Variants in CPZ observed in about 807,000 individuals in gnomAD.
The protein encoded by CPZ is VEZT/CPZ fusion.
Under a neutral mutation model 61.8 loss-of-function variants are expected in CPZ, and 103 were observed. That is an observed-to-expected ratio of 1.67 (90% confidence interval 1.42 to 1.96). The LOEUF (loss-of-function observed/expected upper bound fraction) is 1.96. Among genes scored for constraint, CPZ ranks in the 30% most tolerant of loss-of-function variants. The pLI, the probability that CPZ is intolerant of heterozygous loss-of-function variation, is 0.00. For synonymous variants in CPZ, 551 were observed against 373.7 expected (o/e 1.47, Z -5.47); for missense variants, 1,461 against 914.9 (o/e 1.60, Z -7.70).
chr4:8,594,642 A>G (rs1413373119), intron 1 of CPZ, among the ~76,000 whole-genome samples: 1 of 152,194 alleles, frequency 6.6e-6, no homozygotes, highest in African/African-American at 2.4e-5. Context: ...GCTTAGAACT[A>G]TTTCAAAAGC....
intron 9 of CPZ, 48 bp downstream of exon 9, chr4:8,614,546 G>A (rs377532914): frequency 6.3e-7 from 1 of 1,593,348 alleles, no homozygotes; most frequent in African/African-American, 1.3e-5. Context: ...GGCCTGGGTG[G>A]GGTGGGTCAC....
rs768677206 is a variant in CPZ, at chr4:8,618,437, G to C, written c.1512G>C (p.Arg504=). The C allele has an allele frequency of 3.1e-6, 5 of 1,614,166 alleles. No individual in the cohort carries two copies. In the South Asian group the frequency reaches 4.4e-5, roughly 14 times the overall value. ...SLLNFVETVH[R]GIKGVVTDKF... is the part of the protein sequence containing the mutation. The stretch of plus-strand genomic sequence containing the variant: ...CCCCTTGGTCTCTTCAGGTGCACCG[G>C]GGCATCAAAGGTGTGGTGACAGATA... The change falls in exon 10 of 11, where the codon CGG becomes CGC. Residue 504 remains arginine, a synonymous_variant. Coordinates refer to ENST00000360986, the MANE Select transcript of CPZ (RefSeq NM_001014447.3).
Position 8,592,881 on chromosome 4 carries a change from C to A in CPZ, c.48C>A (p.Ala16=), listed in dbSNP as rs554209297. The change falls in exon 1 of 11, where the codon GCC becomes GCA. Residue 16 remains alanine, a synonymous_variant. Coordinates refer to ENST00000360986, the MANE Select transcript of CPZ (RefSeq NM_001014447.3). ...PLLLLTVLVV[A]AARPGCEFER... Reference sequence around the variant, plus strand: ...TGCTCCTTACAGTCCTGGTCGTCGCCGCTGCCCGGCCGGGGTGCGAGTTTG... The same window carrying A: ...TGCTCCTTACAGTCCTGGTCGTCGCAGCTGCCCGGCCGGGGTGCGAGTTTG... The A allele has an allele frequency of 6.5e-7, 1 of 1,534,292 alleles. No individual in the cohort carries two copies. The highest frequency in any genetic ancestry group is 1.2e-5 in the South Asian group (1 of 83,538).
intron 9 of CPZ, 195 bp from the exon 10 acceptor site, chr4:8,618,234 G>A: frequency 1.7e-6 from 1 of 596,750 alleles, no homozygotes; most frequent in Non-Finnish European, 3.0e-6. Flanking sequence ...AATTGCCAGG[G>A]AGGAAACTGA....
chr4:8,618,352 T>C, intron 9 of CPZ, 77 bp from the exon 10 acceptor site: 2 of 1,398,096 alleles, frequency 1.4e-6, no homozygotes, highest in Non-Finnish European at 2.0e-6. Context: ...GAGGAGCATG[T>C]GGGGAACGAG....
chr4:8,618,153 C>T lies in CPZ; in HGVS notation c.1504-276C>T, dbSNP rs186685752. 2.8e-5 allele frequency: 13 copies of T among 456,856 alleles called. No homozygotes were observed. In the Admixed American group the frequency reaches 4.4e-4, roughly 15 times the overall value. 28.3% of individuals were successfully genotyped at this position (456,856 alleles called of 1,614,324 possible). A position where few individuals can be genotyped will look rare whatever the true frequency, so the allele number is the denominator to read the frequency against. ...AGGAAAGGGTTCTCTGCTCAATGCC[C>T]ATAGAGATGGAGTCAGCCAGGCCTC... is the stretch of plus-strand genomic sequence containing the variant. On this transcript the variant is annotated intron_variant, in intron 9 of 10. Transcript: ENST00000360986.
At chr4:8,612,221 G>GCAGGGGGGGGGGGGGGC in intron 8 of CPZ, 59 bp downstream of exon 8, 1 of 206,196 alleles carries the variant, frequency 4.8e-6, no homozygotes, top group Non-Finnish European at 9.7e-6. Context: ...GCTGGGTGGG[G>GCAGGGGGGGGGGGGGGC]CAGGGGCAAG....
At chr4:8,597,803 C>T (rs577609273) in intron 1 of CPZ, among the ~76,000 whole-genome samples, 12 of 152,212 alleles carry the variant, frequency 7.9e-5, no homozygotes, top group African/African-American at 1.4e-4. Context: ...GTGCTGGGCT[C>T]GGACCATAGG....
Position 8,607,488 on chromosome 4 carries a change from G to C in CPZ, c.1227+63G>C, listed in dbSNP as rs1176316334. 11 of 1,566,364 alleles carry C rather than the reference G, an allele frequency of 7.0e-6. No individual in the cohort carries two copies. In the East Asian group the frequency reaches 2.0e-4, roughly 29 times the overall value. ...AGTGTGCGCGGTCCCCTTGGAGCTGGTGCCCCTCCAGTCCTGAGCTCAGTG... is the reference window on the plus strand; with the variant it reads ...AGTGTGCGCGGTCCCCTTGGAGCTGCTGCCCCTCCAGTCCTGAGCTCAGTG... On this transcript the variant is annotated intron_variant, in intron 7 of 10. Transcript: ENST00000360986.
intron 9 of CPZ, among the ~76,000 whole-genome samples, chr4:8,616,423 AAGAGACCCTCCTGGG>A (rs1716168628): frequency 1.3e-5 from 2 of 152,126 alleles, no homozygotes; most frequent in Non-Finnish European, 2.9e-5. Flanking sequence ...GGCCTCCTGT[AAGAGACCCTCCTGGG>A]AGAGCCCCTG....
At chr4:8,593,572 G>A (rs991073433) in intron 1 of CPZ, among the ~76,000 whole-genome samples, 2 of 152,186 alleles carry the variant, frequency 1.3e-5, no homozygotes, top group African/African-American at 2.4e-5. Flanking sequence ...CTGGCCTCAC[G>A]GCCTCTCCAG....
intron 9 of CPZ, among the ~76,000 whole-genome samples, chr4:8,615,457 G>A (rs1716084217): frequency 6.6e-6 from 1 of 152,192 alleles, no homozygotes; most frequent in African/African-American, 2.4e-5. Context: ...AATTGCATAT[G>A]AGCACAGATG....
At chr4:8,608,325 G>C (rs1273202344) in intron 7 of CPZ, among the ~76,000 whole-genome samples, 1 of 152,160 alleles carries the variant, frequency 6.6e-6, no homozygotes, top group Non-Finnish European at 1.5e-5. Flanking sequence ...ACTTTCCCTT[G>C]GTGTTTGGGG....
At chr4:8,619,189 T>TATCCATC (rs745896591) in intron 10 of CPZ, 73 bp from the exon 11 acceptor site, 22 of 1,339,548 alleles carry the variant, frequency 1.6e-5, no homozygotes, top group Admixed American at 2.2e-5. Context: ...TCCCCACTCA[T>TATCCATC]ATCCATCACC....
chr4:8,610,344 C>T (rs945539220), intron 7 of CPZ, among the ~76,000 whole-genome samples: 1 of 152,216 alleles, frequency 6.6e-6, no homozygotes, highest in Non-Finnish European at 1.5e-5. Context: ...CCCCTGCACC[C>T]CAGGGTTTTG....
At chr4:8,608,436 C>T (rs1310944685) in intron 7 of CPZ, among the ~76,000 whole-genome samples, 38 of 152,322 alleles carry the variant, frequency 2.5e-4, no homozygotes, top group African/African-American at 8.4e-4. Context: ...TTTCTGAGGC[C>T]ACCCGGCCGA....
chr4:8,609,124 T>TCATTTACTCATTCACC (rs1560297891), intron 7 of CPZ, among the ~76,000 whole-genome samples: 21 of 16,800 alleles, frequency 1.3e-3, no homozygotes, highest in South Asian at 8.1e-3. Flanking sequence ...ACTCCCTCAC[T>TCATTTACTCATTCACC]CATTCACTCA....
chr4:8,611,280 G>T (rs780535251), intron 7 of CPZ: 2 of 456,134 alleles, frequency 4.4e-6, no homozygotes, highest in Non-Finnish European at 8.8e-6. Flanking sequence ...GTCAGTCTGG[G>T]ACTTACAGAC....
At chr4:8,614,050 C>T (rs1424204888) in intron 8 of CPZ, among the ~76,000 whole-genome samples, 2 of 152,270 alleles carry the variant, frequency 1.3e-5, no homozygotes, top group African/African-American at 4.8e-5. Flanking sequence ...GCTCAAGATG[C>T]AGCTCTGCCT....
Sources: gnomAD v4.1 joint callset for allele counts (sites outside exome capture counted in the v4.1 genomes callset) on GRCh38, gnomAD v4.1.1 for gene constraint, MANE v1.5 for transcripts, NCBI Gene and HGNC (gene_info 2026-07-23, HGNC 2026-07-21) for gene names.